ZNF331: variants seen among roughly 807,000 people sequenced by gnomAD.
ZNF331 encodes the protein C2H2-like zinc finger protein rearranged in thyroid adenomas.
Under a neutral mutation model 7.0 loss-of-function variants are expected in ZNF331, and 2 were observed. The ratio of observed to expected loss-of-function variants is 0.29; its 90% CI spans 0.12 to 0.90. The LOEUF (loss-of-function observed/expected upper bound fraction) is 0.90, where lower values mean the gene tolerates loss of function less well. Among genes scored for constraint, ZNF331 ranks in the 40% least tolerant of loss-of-function variants. The pLI, the probability that ZNF331 is intolerant of heterozygous loss-of-function variation, is 0.58. For synonymous variants in ZNF331, 196 were observed against 205.4 expected, an observed-to-expected ratio of 0.95 and a Z score of 0.39; for missense variants, 432 against 587.7, an observed-to-expected ratio of 0.74 and a Z score of 2.74.
the ZNF331 span, among the ~76,000 whole-genome samples, chr19:53,511,173 C>T: frequency 6.6e-6 from 1 of 152,006 alleles, no homozygotes; most frequent in Non-Finnish European, 1.5e-5. Context: ...GCAAAACAAC[C>T]TCCCTATGGA....
chr19:53,566,795 C>T (rs533880076), intron 3 of ZNF331, among the ~76,000 whole-genome samples: 2 of 147,096 alleles, frequency 1.4e-5, no homozygotes, highest in South Asian at 4.4e-4. Context: ...AACTGTTTTG[C>T]ATAAGGGGTC....
At chr19:53,513,263 AC>A in the ZNF331 span, among the ~76,000 whole-genome samples, 27 of 133,042 alleles carry the variant, frequency 2.0e-4, no homozygotes, top group African/African-American at 7.4e-4. Context: ...TGCGAATAAC[AC>A]TGCAGCAAGC....
At chr19:53,552,654 C>T (rs1487066435) in intron 2 of ZNF331, among the ~76,000 whole-genome samples, 1 of 152,090 alleles carries the variant, frequency 6.6e-6, no homozygotes, top group African/African-American at 2.4e-5. Context: ...ATGACTTGAG[C>T]CTAGGAGGCA....
chr19:53,556,705 A>G (rs1444507555), intron 3 of ZNF331, among the ~76,000 whole-genome samples: 2 of 152,010 alleles, frequency 1.3e-5, no homozygotes, highest in African/African-American at 4.8e-5. Context: ...TGGTGTGATC[A>G]TAGCTCACTG....
exon 1 of ZNF331, chr19:53,521,156 T>G (rs2087060396): frequency 1.3e-5 from 2 of 152,294 alleles, no homozygotes; most frequent in African/African-American, 4.8e-5. Context: ...CCTCCTGATG[T>G]GCTGGGTGTG....
the ZNF331 span, among the ~76,000 whole-genome samples, chr19:53,507,300 C>T: frequency 6.6e-6 from 1 of 152,132 alleles, no homozygotes; most frequent in Non-Finnish European, 1.5e-5. Context: ...TGCTGCTGAG[C>T]TCTCGTCATC....
intron 2 of ZNF331, among the ~76,000 whole-genome samples, chr19:53,523,682 T>G (rs946808074): frequency 3.9e-5 from 6 of 151,976 alleles, no homozygotes; most frequent in African/African-American, 1.4e-4. Flanking sequence ...TGTGCATAAG[T>G]TTTTTAATGA....
chr19:53,506,363 A>C, the ZNF331 span, among the ~76,000 whole-genome samples: 1 of 144,302 alleles, frequency 6.9e-6, no homozygotes, highest in Non-Finnish European at 1.5e-5. Context: ...GAAAAGAATC[A>C]CACCTCCCCC....
intron 2 of ZNF331, among the ~76,000 whole-genome samples, chr19:53,544,783 G>C (rs908023383): frequency 6.6e-6 from 1 of 151,796 alleles, no homozygotes; most frequent in African/African-American, 2.4e-5. Flanking sequence ...ACCCAGGCTG[G>C]AGTGCAGTGG....
chr19:53,536,618 G>A (rs1184088099), upstream of ZNF331, among the ~76,000 whole-genome samples: 2 of 151,938 alleles, frequency 1.3e-5, no homozygotes, highest in Non-Finnish European at 1.5e-5. Context: ...AATTATTCTC[G>A]ACTGGGTGTG....
chr19:53,503,588 A>G, the ZNF331 span: 3 of 726,794 alleles, frequency 4.1e-6, no homozygotes, highest in South Asian at 4.3e-5. Context: ...CCCACAGACA[A>G]TGGCAGCTTT....
intron 2 of ZNF331, among the ~76,000 whole-genome samples, chr19:53,523,912 C>T (rs1321662548): frequency 1.5e-5 from 2 of 134,466 alleles, no homozygotes; most frequent in Non-Finnish European, 3.3e-5. Flanking sequence ...TATCCCTCCC[C>T]CAGCCCCCCA....
intron 3 of ZNF331, among the ~76,000 whole-genome samples, chr19:53,564,469 A>C (rs112954526): frequency 6.6e-6 from 1 of 151,606 alleles, no homozygotes; most frequent in African/African-American, 2.4e-5. Context: ...TAGTAGAGAC[A>C]GGGTTTTGCT....
chr19:53,530,327 C>A (rs1000622365), intron 2 of ZNF331, among the ~76,000 whole-genome samples: 1 of 150,588 alleles, frequency 6.6e-6, no homozygotes, highest in African/African-American at 2.5e-5. Flanking sequence ...CCAGGCCCCA[C>A]CTCCAGCACT....
intron 3 of ZNF331, among the ~76,000 whole-genome samples, chr19:53,557,216 C>T (rs924348739): frequency 6.6e-6 from 1 of 152,154 alleles, no homozygotes; most frequent in Non-Finnish European, 1.5e-5. Flanking sequence ...TTTCCACCTC[C>T]CAAAGTGCTG....
intron 2 of ZNF331, among the ~76,000 whole-genome samples, chr19:53,542,496 T>C (rs758561613): frequency 6.6e-6 from 1 of 152,186 alleles, no homozygotes; most frequent in African/African-American, 2.4e-5. Context: ...ATTTCCAAGA[T>C]AGAAAAAGAA....
intron 2 of ZNF331, among the ~76,000 whole-genome samples, chr19:53,523,779 T>G (rs987886760): frequency 6.6e-6 from 1 of 152,048 alleles, no homozygotes. Context: ...TATTTTTTTT[T>G]TATACTTTAA....
intron 3 of ZNF331, among the ~76,000 whole-genome samples, chr19:53,559,991 TATATACACACAC>T (rs1351608627): frequency 6.8e-6 from 1 of 147,692 alleles, no homozygotes; most frequent in Non-Finnish European, 1.5e-5. Context: ...ACACACACCA[TATATACACACAC>T]ATATACGCAC....
the ZNF331 span, among the ~76,000 whole-genome samples, chr19:53,506,486 GTCTCTCTCTC>G: frequency 4.8e-3 from 327 of 68,648 alleles, 2 homozygotes; most frequent in African/African-American, 0.017. Flanking sequence ...CTCTCTGTCT[GTCTCTCTCTC>G]TCTCTCTCTC....
Sources: gnomAD v4.1 joint callset for allele counts (sites outside exome capture counted in the v4.1 genomes callset) on GRCh38, gnomAD v4.1.1 for gene constraint, MANE v1.5 for transcripts, NCBI Gene and HGNC (gene_info 2026-07-23, HGNC 2026-07-21) for gene names.